The following TRPM8 variants were observed in gnomAD, a reference collection of about 807,000 sequenced individuals.
TRPM8 encodes TRPM8 cationic channel.
A neutral mutation model predicts 133.7 loss-of-function variants in TRPM8; 110 were observed. That is an observed-to-expected ratio of 0.82 (90% confidence interval 0.70 to 0.96). TRPM8 has a LOEUF of 0.96. Among genes scored for constraint, TRPM8 ranks in the 40% least tolerant of loss-of-function variants. The pLI is 0.00. For synonymous variants in TRPM8, 535 were observed against 532.3 expected (o/e 1.01, Z -0.07); for missense variants, 1,291 against 1,379.5 (o/e 0.94, Z 1.02).
chr2:234,005,450 T>A (rs1476067166), intron 22 of TRPM8, among the ~76,000 whole-genome samples: 1 of 152,218 alleles, frequency 6.6e-6, no homozygotes, highest in Non-Finnish European at 1.5e-5. Context: ...ACCCTTTCCA[T>A]GCTGATTTTT....
chr2:233,921,081 G>A (rs1485148904), intron 1 of TRPM8, among the ~76,000 whole-genome samples: 1 of 151,736 alleles, frequency 6.6e-6, no homozygotes, highest in Non-Finnish European at 1.5e-5. Flanking sequence ...GGCTGGTCTC[G>A]AACTCCTGAC....
At chr2:233,994,113 T>A (rs187563595) in intron 21 of TRPM8, among the ~76,000 whole-genome samples, 1 of 152,306 alleles carries the variant, frequency 6.6e-6, no homozygotes, top group Non-Finnish European at 1.5e-5. Context: ...ATTTGAATGG[T>A]AATAGTTGTT....
At chr2:234,014,518 G>A (rs200149299) in intron 24 of TRPM8, 44 bp from the exon 25 acceptor site, 59 of 1,341,208 alleles carry the variant, frequency 4.4e-5, no homozygotes, top group Middle Eastern at 2.0e-4. Flanking sequence ...ATGAAAGTTG[G>A]AAAATTTATC....
chr2:233,918,927 T>A (rs1050641990), intron 1 of TRPM8, among the ~76,000 whole-genome samples: 1 of 151,912 alleles, frequency 6.6e-6, no homozygotes, highest in African/African-American at 2.4e-5. Flanking sequence ...GCTCAAAGAG[T>A]GGAGATGGCT....
At chr2:233,982,984 G>T (rs1362415427) in intron 19 of TRPM8, 69 bp from the exon 20 acceptor site, 2 of 1,546,696 alleles carry the variant, frequency 1.3e-6, no homozygotes, top group Non-Finnish European at 1.8e-6. Flanking sequence ...CACTGAGGAC[G>T]GCCGGGCCGG....
At chr2:233,949,153 C>T (rs1300397624) in intron 8 of TRPM8, among the ~76,000 whole-genome samples, 1 of 152,240 alleles carries the variant, frequency 6.6e-6, no homozygotes, top group Admixed American at 6.5e-5. Flanking sequence ...TTGAGGCACA[C>T]AGAGGGATCC....
At position 233,955,241 on chromosome 2, in the gene TRPM8, C is replaced by A. The variant is rs1691264710; in HGVS notation, c.1353C>A (p.Arg451=). The A allele has an allele frequency of 6.2e-7, 1 of 1,613,498 alleles. No individual in the cohort carries two copies. The highest frequency in any genetic ancestry group is 2.2e-5 in the East Asian group (1 of 44,868). Residue 451 remains arginine (R), a synonymous_variant, in exon 11 of 26, where the codon CGC becomes CGA. Transcript: ENST00000324695. ...LANDEIFTND[R]RWESADLQEV... is the part of the protein sequence containing the mutation. ...ATGATGAGATTTTCACCAATGACCG[C>A]CGATGGGAGGTAAGCACGAAGCTCT...
intron 2 of TRPM8, among the ~76,000 whole-genome samples, chr2:233,928,579 A>C (rs1691617019): frequency 6.6e-6 from 1 of 152,184 alleles, no homozygotes; most frequent in Non-Finnish European, 1.5e-5. Context: ...GTAGACTTGA[A>C]ATTAGTTAAG....
rs1361492753 is a variant in TRPM8 at position 233,943,476 on chromosome 2, C to A, written c.699+728C>A. Among the ~76,000 whole-genome samples the A allele has an allele frequency of 6.6e-5, 10 of 152,284 alleles. No individual in the cohort carries two copies. The South Asian group carries it at 2.1e-3, about 32-fold the overall frequency. Reference sequence around the variant, plus strand: ...AGCAAACTATTGCAAGGACAAAAAACCAAACACTGCATGTTCTCACTCATA... The same window carrying A: ...AGCAAACTATTGCAAGGACAAAAAAACAAACACTGCATGTTCTCACTCATA... On this transcript the variant is annotated intron_variant, in intron 6 of 25. Transcript: ENST00000324695.
In TRPM8 at chr2:234,002,299, A is replaced by C. The variant is rs1692586033; in HGVS notation, c.3131-4554A>C. On this transcript the variant is annotated intron_variant, in intron 22 of 25. Coordinates refer to ENST00000324695, the MANE Select transcript of TRPM8 (RefSeq NM_024080.5). ...ACCTCAGGACTGAGGGTTGCAGGAG[A>C]CGAGAGTAAGGCTTGGACTGTATCC... Among the ~76,000 whole-genome samples, 3 of 151,950 alleles carry C rather than the reference A, an allele frequency of 2.0e-5. No individual in the cohort carries two copies. The South Asian group carries it at 6.2e-4, about 32-fold the overall frequency.
chr2:233,937,088 G>A (rs1419283944), intron 3 of TRPM8, among the ~76,000 whole-genome samples: 1 of 151,898 alleles, frequency 6.6e-6, no homozygotes, highest in African/African-American at 2.4e-5. Context: ...CAGAGATGGG[G>A]TTTCACCATG....
chr2:233,930,687 A>G lies in TRPM8; in HGVS notation c.137A>G (p.Gln46Arg). Reference protein sequence around the residue: ...YSESDLVNFIQANFKKRECVF... With the variant: ...YSESDLVNFIRANFKKRECVF... ...CCAAAGGACTTGGTGAATTTTATTCAAGCAAATTTTAAGAAACGAGAATGT... is the reference window on the plus strand; with the variant it reads ...CCAAAGGACTTGGTGAATTTTATTCGAGCAAATTTTAAGAAACGAGAATGT... The change falls in exon 3 of 26, where the codon CAA becomes CGA. Residue 46 changes from glutamine (Q) to arginine (R), a missense_variant. By Grantham distance (43) the Gln-to-Arg change is conservative. Around this residue, in one of 2 missense-constraint regions of TRPM8, gnomAD observed 963 missense variants for 968.9 expected, o/e 0.99. Coordinates refer to ENST00000324695, the MANE Select transcript of TRPM8 (RefSeq NM_024080.5). 1 of 1,609,264 alleles carries G rather than the reference A, an allele frequency of 6.2e-7. No homozygotes were observed. The highest frequency in any genetic ancestry group is 8.5e-7 in the Non-Finnish European group (1 of 1,176,440).
chr2:234,014,162 T>TTTA (rs2125415641), intron 24 of TRPM8, among the ~76,000 whole-genome samples: 1 of 152,326 alleles, frequency 6.6e-6, no homozygotes, highest in Admixed American at 6.5e-5. Context: ...TCACATTATT[T>TTTA]TTATTAGTAT....
intron 8 of TRPM8, among the ~76,000 whole-genome samples, chr2:233,949,179 C>T (rs993748301): frequency 1.1e-4 from 17 of 152,206 alleles, no homozygotes; most frequent in African/African-American, 3.9e-4. Context: ...TGCTCTGTGA[C>T]TCTCACCCTC....
intron 8 of TRPM8, among the ~76,000 whole-genome samples, chr2:233,949,664 A>G (rs964311507): frequency 6.6e-6 from 1 of 152,258 alleles, no homozygotes; most frequent in Admixed American, 6.5e-5. Context: ...TTTTGTGTAC[A>G]GGGATATTTT....
At chr2:233,988,258 G>T (rs988390836) in intron 21 of TRPM8, among the ~76,000 whole-genome samples, 3 of 151,802 alleles carry the variant, frequency 2.0e-5, no homozygotes, top group African/African-American at 7.3e-5. Flanking sequence ...GTTCCATCCC[G>T]AACTTCTCTT....
intron 24 of TRPM8, among the ~76,000 whole-genome samples, chr2:234,009,453 G>A (rs984987626): frequency 3.9e-5 from 6 of 152,198 alleles, no homozygotes; most frequent in African/African-American, 1.4e-4. Context: ...AACAGTGGAT[G>A]CAGGAAGAGA....
At chr2:233,947,049 A>C in intron 7 of TRPM8, 39 bp from the exon 8 acceptor site, 1 of 1,594,754 alleles carries the variant, frequency 6.3e-7, no homozygotes, top group African/African-American at 1.3e-5. Context: ...GAGTATTTCT[A>C]ATGAGCTCAA....
intron 1 of TRPM8, among the ~76,000 whole-genome samples, chr2:233,925,004 T>A (rs943415588): frequency 6.6e-6 from 1 of 152,170 alleles, no homozygotes; most frequent in African/African-American, 2.4e-5. Context: ...TGCCAGTCTC[T>A]GAGGTGTGGG....
Sources: gnomAD v4.1 joint callset for allele counts (sites outside exome capture counted in the v4.1 genomes callset) on GRCh38, gnomAD v4.1.1 for gene constraint, gnomAD v4.1.1 regional missense constraint, MANE v1.5 for transcripts, NCBI Gene and HGNC (gene_info 2026-07-23, HGNC 2026-07-21) for gene names.